Variants in MSRA observed in about 807,000 individuals in gnomAD.
The protein encoded by MSRA is methionine sulfoxide reductase A.
Under a neutral mutation model 31.3 loss-of-function variants are expected in MSRA, and 54 were observed. The ratio of observed to expected loss-of-function variants is 1.73; its 90% CI spans 1.39 to 2.17. The LOEUF is 2.17. Ranked by LOEUF, MSRA falls within the 30% of genes most tolerant of loss-of-function variation. The probability of loss-of-function intolerance (pLI) is 0.00; values close to 1 mark genes in which losing one functional copy is unlikely to be tolerated. For synonymous variants in MSRA, 169 were observed against 116.5 expected (o/e 1.45, Z -2.90); for missense variants, 507 against 300.9 (o/e 1.69, Z -5.07).
intron 1 of MSRA, among the ~76,000 whole-genome samples, chr8:10,135,572 A>T (rs1280801469): frequency 1.3e-5 from 2 of 152,180 alleles, no homozygotes; most frequent in African/African-American, 4.8e-5. Flanking sequence ...TTAAATTTAT[A>T]CTATGGTCAG....
intron 3 of MSRA, among the ~76,000 whole-genome samples, chr8:10,286,560 C>G (rs796937819): frequency 1.2e-4 from 19 of 152,342 alleles, no homozygotes; most frequent in African/African-American, 4.6e-4. Context: ...TTGGGTATGT[C>G]TTTACCAGCA....
At chr8:10,226,623 A>C (rs959459785) in intron 2 of MSRA, among the ~76,000 whole-genome samples, 1 of 152,262 alleles carries the variant, frequency 6.6e-6, no homozygotes, top group African/African-American at 2.4e-5. Flanking sequence ...ATGAACAGAC[A>C]CATTTAGGAA....
intron 1 of MSRA, among the ~76,000 whole-genome samples, chr8:10,196,591 C>T (rs1808009257): frequency 6.6e-6 from 1 of 151,964 alleles, no homozygotes; most frequent in African/African-American, 2.4e-5. Context: ...GCTCTGTCAC[C>T]CAGGCTGGAG....
In MSRA at chr8:10,283,160, A is replaced by ACACACTCTCTCTCTCTCTCTCT; in HGVS notation, c.332-18373_332-18372insACACTCTCTCTCTCTCTCTCTC. Among the ~76,000 whole-genome samples the ACACACTCTCTCTCTCTCTCTCT allele has an allele frequency of 3.9e-3, 542 of 140,274 alleles. 3 individuals carry two copies. The highest frequency in any genetic ancestry group is 0.011 in the East Asian group (54 of 4,912). The allele number at this position is 140,274 out of a possible 152,430, so 92.0% of individuals were successfully genotyped here. ...CACACACACACACACACACACACAC[A>ACACACTCTCTCTCTCTCTCTCT]CTCTCACCCTTCTCTTTGCTGGGGA... On this transcript the variant is annotated intron_variant, in intron 3 of 5. Coordinates refer to ENST00000317173, the MANE Select transcript of MSRA (RefSeq NM_012331.5).
chr8:10,159,618 C>T (rs1419192913), intron 1 of MSRA, among the ~76,000 whole-genome samples: 1 of 151,920 alleles, frequency 6.6e-6, no homozygotes, highest in East Asian at 1.9e-4. Context: ...ACATCTCTGT[C>T]AAAGCACTTT....
At chr8:10,173,322 C>T (rs1196082613) in intron 1 of MSRA, among the ~76,000 whole-genome samples, 1 of 152,196 alleles carries the variant, frequency 6.6e-6, no homozygotes, top group African/African-American at 2.4e-5. Context: ...AATATCACAC[C>T]CAGTTACTGT....
intron 5 of MSRA, among the ~76,000 whole-genome samples, chr8:10,361,719 C>G (rs950922399): frequency 6.6e-6 from 1 of 152,136 alleles, no homozygotes; most frequent in African/African-American, 2.4e-5. Flanking sequence ...TAATGAAAGA[C>G]TTTTATTTAA....
chr8:10,127,396 A>G (rs1019436983), intron 1 of MSRA, among the ~76,000 whole-genome samples: 1 of 152,246 alleles, frequency 6.6e-6, no homozygotes, highest in Admixed American at 6.5e-5. Flanking sequence ...AAATGAATAC[A>G]TGAATTAAAT....
rs1799134355 is a variant in MSRA at position 10,095,989 on chromosome 8, A to G, written c.142+41331A>G. 5.6e-6 allele frequency: 8 copies of G among 1,438,558 alleles called. No individual in the cohort carries two copies. The South Asian group carries it at 7.9e-5, about 14-fold the overall frequency. 89.1% of individuals were successfully genotyped at this position (1,438,558 alleles called of 1,614,324 possible). On this transcript the variant is annotated intron_variant, in intron 1 of 5. Coordinates refer to ENST00000317173, the MANE Select transcript of MSRA (RefSeq NM_012331.5). ...TACAAAATAAAGTTTGTTCATCAATACAAACCTGCTTTCAAATCAAATCAG... is the reference window on the plus strand; with the variant it reads ...TACAAAATAAAGTTTGTTCATCAATGCAAACCTGCTTTCAAATCAAATCAG...
intron 5 of MSRA, among the ~76,000 whole-genome samples, chr8:10,394,067 C>T (rs949114106): frequency 2.0e-5 from 3 of 152,100 alleles, no homozygotes; most frequent in Non-Finnish European, 4.4e-5. Context: ...CTCTAGAGAG[C>T]GACAGGAACT....
At chr8:10,404,380 C>T (rs1431034978) in intron 5 of MSRA, among the ~76,000 whole-genome samples, 10 of 152,222 alleles carry the variant, frequency 6.6e-5, no homozygotes, top group Non-Finnish European at 1.5e-4. Context: ...GCCAGGGAGG[C>T]AGGGAAGTGA....
At chr8:10,164,596 C>T (rs1044604950) in intron 1 of MSRA, among the ~76,000 whole-genome samples, 3 of 152,192 alleles carry the variant, frequency 2.0e-5, no homozygotes, top group Non-Finnish European at 2.9e-5. Flanking sequence ...CATACTTGTA[C>T]CCAAATCCTA....
intron 3 of MSRA, among the ~76,000 whole-genome samples, chr8:10,266,163 T>C (rs530640460): frequency 2.7e-4 from 41 of 152,342 alleles, no homozygotes; most frequent in Non-Finnish European, 5.4e-4. Context: ...TTTTAAGAAA[T>C]TTCCAAACTG....
intron 1 of MSRA, among the ~76,000 whole-genome samples, chr8:10,073,096 C>T (rs1049441367): frequency 3.3e-5 from 5 of 151,974 alleles, no homozygotes; most frequent in Non-Finnish European, 7.4e-5. Context: ...GTGGCTAGAA[C>T]TTCCAGTATT....
chr8:10,202,178 T>C (rs1446113835), intron 1 of MSRA, among the ~76,000 whole-genome samples: 1 of 152,248 alleles, frequency 6.6e-6, no homozygotes, highest in Non-Finnish European at 1.5e-5. Context: ...TTCCCCCATA[T>C]CTTACTGAAC....
In MSRA at chr8:10,242,368, A is replaced by C. The variant is rs536333849; in HGVS notation, c.212-2736A>C. Among the ~76,000 whole-genome samples, 24 of 152,296 alleles carry C rather than the reference A, an allele frequency of 1.6e-4. 1 individual carries two copies. The highest frequency in any genetic ancestry group is 1.2e-3 in the Admixed American group (18 of 15,292). On this transcript the variant is annotated intron_variant, in intron 2 of 5. Transcript: ENST00000317173. ...ACTTAGATGATAAAGTGTAAGAAACATAGGAAGTGATTACTGTGAAAGTCA... is the reference window on the plus strand; with the variant it reads ...ACTTAGATGATAAAGTGTAAGAAACCTAGGAAGTGATTACTGTGAAAGTCA...
At position 10,424,512 on chromosome 8, in the gene MSRA, G is replaced by T. The variant is rs867689661; in HGVS notation, c.544-3636G>T. 3.3e-5 allele frequency among the ~76,000 whole-genome samples: 5 copies of T among 149,546 alleles called. No individual in the cohort carries two copies. The South Asian group carries it at 8.6e-4, about 26-fold the overall frequency. On this transcript the variant is annotated intron_variant, in intron 5 of 5. Transcript: ENST00000317173. ...GGACTCGGGATGGAATAGGATCGGG[G>T]AGAAGGGCCTGGGGTGGAGTGGGAT...
At chr8:10,382,007 G>A (rs138622816) in intron 5 of MSRA, among the ~76,000 whole-genome samples, 16 of 152,340 alleles carry the variant, frequency 1.1e-4, no homozygotes, top group Non-Finnish European at 2.1e-4. Context: ...GAATAGTAAT[G>A]CTAAGCCATT....
chr8:10,346,401 C>A (rs987368032), intron 5 of MSRA, among the ~76,000 whole-genome samples: 1 of 152,172 alleles, frequency 6.6e-6, no homozygotes, highest in Non-Finnish European at 1.5e-5. Flanking sequence ...TAAACACCCT[C>A]CCCCACTCTA....
Sources: allele counts gnomAD v4.1 joint callset (sites outside exome capture counted in the v4.1 genomes callset), GRCh38; gene constraint gnomAD v4.1.1; transcripts MANE v1.5; gene names NCBI Gene and HGNC (gene_info 2026-07-23, HGNC 2026-07-21).